The following FADD variants were observed in gnomAD, a reference collection of about 807,000 sequenced individuals.
FADD encodes Fas associated via death domain, also known as FAS-associated death domain protein.
A neutral mutation model predicts 5.8 loss-of-function variants in FADD; 3 were observed. The ratio of observed to expected loss-of-function variants is 0.52; its 90% confidence interval spans 0.24 to 1.34. The LOEUF is 1.34. Among genes scored for constraint, FADD ranks in the 40% most tolerant of loss-of-function variants. FADD has a pLI of 0.17. For synonymous variants in FADD, 138 were observed against 130.8 expected (o/e 1.06, Z -0.38); for missense variants, 249 against 286.7 (o/e 0.87, Z 0.95).
chr11:70,204,125 C>A (rs2049442633), intron 1 of FADD, among the ~76,000 whole-genome samples: 1 of 152,226 alleles, frequency 6.6e-6, no homozygotes, highest in South Asian at 2.1e-4. Context: ...TACTAGCATT[C>A]AGTAACTCCT....
Position 70,206,630 on chromosome 11 carries a change from TGC to T in FADD, c.*158_*159del, listed in dbSNP as rs2135900250. 1.5e-6 allele frequency: 1 copy of T among 687,740 alleles called. No homozygotes were observed. Among genetic ancestry groups the T allele is most frequent in the East Asian group, 2.7e-5 (1 of 36,868 alleles). The allele number at this position is 687,740 out of a possible 1,614,324, so 42.6% of individuals were successfully genotyped here. ...TCTGAACTCAAGCTGCGTTTATTAA[TGC>T]CTCTCCCGCACCAGGCCGGGCTTGG... On this transcript the variant is annotated 3_prime_UTR_variant, in exon 2 of 2. Coordinates refer to ENST00000301838, the MANE Select transcript of FADD (RefSeq NM_003824.4).
At position 70,203,334 on chromosome 11, in the gene FADD, T is replaced by G. The variant is rs2049435452; in HGVS notation, c.-126T>G. The G allele has an allele frequency of 4.7e-6, 7 of 1,490,126 alleles. No individual in the cohort carries two copies. In the African/African-American group the frequency reaches 8.5e-5, roughly 18 times the overall value. The allele number at this position is 1,490,126 out of a possible 1,614,324, so 92.3% of individuals were successfully genotyped here. A position where few individuals can be genotyped will look rare whatever the true frequency, so the allele number is the denominator to read the frequency against. The stretch of plus-strand genomic sequence containing the variant: ...TCCTGTAGTGAATCAGGCACCGGAG[T>G]GCAGGTTCGGGGGTGGAATCCTTGG... On this transcript the variant is annotated 5_prime_UTR_variant, in exon 1 of 2. Coordinates refer to ENST00000301838, the MANE Select transcript of FADD (RefSeq NM_003824.4).
chr11:70,204,915 G>A (rs983792661), intron 1 of FADD, among the ~76,000 whole-genome samples: 1 of 152,160 alleles, frequency 6.6e-6, no homozygotes, highest in Non-Finnish European at 1.5e-5. Flanking sequence ...GAAGGTGAGC[G>A]GTGGGTATGG....
chr11:70,205,462 T>A (rs1424523376), intron 1 of FADD, among the ~76,000 whole-genome samples: 3 of 152,172 alleles, frequency 2.0e-5, no homozygotes, highest in Admixed American at 2.0e-4. Context: ...GCCAGAAATC[T>A]GAATAAGCAG....
intron 1 of FADD, among the ~76,000 whole-genome samples, chr11:70,205,196 G>C (rs1187248000): frequency 6.6e-6 from 1 of 152,182 alleles, no homozygotes; most frequent in East Asian, 1.9e-4. Context: ...AGTCCAAGCA[G>C]CACCCTGTCC....
rs887247714 is a variant in FADD, at chr11:70,206,998, A to G, written c.*525A>G. 2.5e-5 allele frequency: 4 copies of G among 157,328 alleles called. No homozygotes were observed. The highest frequency in any genetic ancestry group is 1.8e-4 in the Admixed American group (3 of 16,512). The allele number at this position is 157,328 out of a possible 1,614,324, so 9.7% of individuals were successfully genotyped here. ...GGAGGCCACCGGGACAGACCTGGAC[A>G]CTAGGGTCAGGCGGGGTGCTGTGGT... On this transcript the variant is annotated 3_prime_UTR_variant, in exon 2 of 2. Coordinates refer to ENST00000301838, the MANE Select transcript of FADD (RefSeq NM_003824.4).
intron 1 of FADD, among the ~76,000 whole-genome samples, chr11:70,205,095 G>T (rs936460442): frequency 3.9e-5 from 6 of 152,194 alleles, no homozygotes; most frequent in Non-Finnish European, 1.5e-5. Context: ...TTCCTCATCT[G>T]TACAGTCATG....
Position 70,203,516 on chromosome 11 carries a change from G to C in FADD, c.57G>C (p.Glu19Asp), listed in dbSNP as rs757350109. Residue 19 changes from glutamate (E) to aspartate (D), a missense_variant, in exon 1 of 2, where the codon GAG becomes GAC. Transcript: ENST00000301838. Reference protein sequence around the residue: ...HSVSSSLSSSELTELKFLCLG... With the variant: ...HSVSSSLSSSDLTELKFLCLG... Reference sequence around the variant, plus strand: ...TGTCGTCCAGCCTGTCGAGCAGCGAGCTGACCGAGCTCAAGTTCCTATGCC... The same window carrying C: ...TGTCGTCCAGCCTGTCGAGCAGCGACCTGACCGAGCTCAAGTTCCTATGCC... 7 of 1,610,032 alleles carry C rather than the reference G, an allele frequency of 4.3e-6. No individual in the cohort carries two copies. The highest frequency in any genetic ancestry group is 5.9e-6 in the Non-Finnish European group (7 of 1,178,656).
At chr11:70,205,741 C>G (rs1214244302) in intron 1 of FADD, among the ~76,000 whole-genome samples, 1 of 152,196 alleles carries the variant, frequency 6.6e-6, no homozygotes. Flanking sequence ...CGTGAACATA[C>G]CTTGGGGTGA....
chr11:70,204,622 C>T (rs2049445965), intron 1 of FADD, among the ~76,000 whole-genome samples: 1 of 152,098 alleles, frequency 6.6e-6, no homozygotes. Flanking sequence ...AATGTGTCAC[C>T]ATGGGTTTCA....
At position 70,207,012 on chromosome 11, in the gene FADD, G is replaced by C. The variant is rs1253187428; in HGVS notation, c.*539G>C. 2 of 119,566 alleles carry C rather than the reference G, an allele frequency of 1.7e-5. No homozygotes were observed. The highest frequency in any genetic ancestry group is 2.9e-5 in the African/African-American group (1 of 34,244). 7.4% of individuals were successfully genotyped at this position (119,566 alleles called of 1,614,324 possible). Reference sequence around the variant, plus strand: ...CAGACCTGGACACTAGGGTCAGGCGGGGTGCTGTGGTGGGGAGAGGCATGG... The same window carrying C: ...CAGACCTGGACACTAGGGTCAGGCGCGGTGCTGTGGTGGGGAGAGGCATGG... On this transcript the variant is annotated 3_prime_UTR_variant, in exon 2 of 2. Coordinates refer to ENST00000301838, the MANE Select transcript of FADD (RefSeq NM_003824.4).
intron 1 of FADD, 92 bp downstream of exon 1, chr11:70,203,837 C>A: frequency 1.8e-6 from 1 of 558,388 alleles, no homozygotes; most frequent in African/African-American, 2.0e-5. Context: ...GGCGCCTCCC[C>A]TTTGCCGGGT....
intron 1 of FADD, 34 bp downstream of exon 1, chr11:70,203,779 C>T: frequency 9.0e-7 from 1 of 1,110,866 alleles, no homozygotes; most frequent in African/African-American, 1.7e-5. Flanking sequence ...GAGCCAGGGC[C>T]TGGTCGCCCG....
Position 70,203,322 on chromosome 11 carries a change from C to T in FADD, c.-138C>T, listed in dbSNP as rs2049435221. ...CTCTTGTCGATTTCCTGTAGTGAAT[C>T]AGGCACCGGAGTGCAGGTTCGGGGG... On this transcript the variant is annotated 5_prime_UTR_variant, in exon 1 of 2. Transcript: ENST00000301838. 2 of 1,445,908 alleles carry T rather than the reference C, an allele frequency of 1.4e-6. No homozygotes were observed. Among genetic ancestry groups the T allele is most frequent in the African/African-American group, 1.5e-5 (1 of 68,730 alleles). 89.6% of individuals were successfully genotyped at this position (1,445,908 alleles called of 1,614,324 possible).
chr11:70,205,142 G>A (rs1565301893), intron 1 of FADD, among the ~76,000 whole-genome samples: 3 of 152,196 alleles, frequency 2.0e-5, no homozygotes. Flanking sequence ...TGTCAGAGCT[G>A]CGGGAGCTGG....
Position 70,206,353 on chromosome 11 carries a change from G to A in FADD, c.507G>A (p.Gln169=), listed in dbSNP as rs575389915. 1 of 1,614,230 alleles carries A rather than the reference G, an allele frequency of 6.2e-7. No individual in the cohort carries two copies. Among genetic ancestry groups the A allele is most frequent in the South Asian group, 1.1e-5 (1 of 91,084 alleles). Residue 169 remains glutamine, a synonymous_variant, in exon 2 of 2, where the codon CAG becomes CAA. Coordinates refer to ENST00000301838, the MANE Select transcript of FADD (RefSeq NM_003824.4). Reference sequence around the variant, plus strand: ...TGGTGGGGGCTCTCAGGTCCTGCCAGATGAACCTGGTGGCTGACCTGGTAC... The same window carrying A: ...TGGTGGGGGCTCTCAGGTCCTGCCAAATGAACCTGGTGGCTGACCTGGTAC... ...AHLVGALRSC[Q]MNLVADLVQE...
chr11:70,203,463 G>T lies in FADD; in HGVS notation c.4G>T (p.Asp2Tyr). Residue 2 changes from aspartate to tyrosine, a missense_variant, in exon 1 of 2, where the codon GAC (aspartate) becomes TAC (tyrosine). Physicochemically the swap from Asp to Tyr is radical, Grantham distance 160. Coordinates refer to ENST00000301838, the MANE Select transcript of FADD (RefSeq NM_003824.4). Reference protein sequence around the residue: MDPFLVLLHSVS... With the variant: MYPFLVLLHSVS... ...CCGGCCGCTTGCAGACCCCGCCATG[G>T]ACCCGTTCCTGGTGCTGCTGCACTC... is the stretch of plus-strand genomic sequence containing the variant. The T allele has an allele frequency of 6.3e-7, 1 of 1,577,660 alleles. No individual in the cohort carries two copies. The highest frequency in any genetic ancestry group is 8.6e-7 in the Non-Finnish European group (1 of 1,161,984).
In FADD at chr11:70,206,545, A is replaced by G; in HGVS notation, c.*72A>G. On this transcript the variant is annotated 3_prime_UTR_variant, in exon 2 of 2. Coordinates refer to ENST00000301838, the MANE Select transcript of FADD (RefSeq NM_003824.4). Reference sequence around the variant, plus strand: ...GGACTTTGGTTCTCTCCAGGAAGGTAGCCCAGCACTGTGAAGACCCAGCAG... The same window carrying G: ...GGACTTTGGTTCTCTCCAGGAAGGTGGCCCAGCACTGTGAAGACCCAGCAG... 7.0e-7 allele frequency: 1 copy of G among 1,436,158 alleles called. No individual in the cohort carries two copies. The highest frequency in any genetic ancestry group is 9.7e-7 in the Non-Finnish European group (1 of 1,036,150). 89.0% of individuals were successfully genotyped at this position (1,436,158 alleles called of 1,614,324 possible). A position where few individuals can be genotyped will look rare whatever the true frequency, so the allele number is the denominator to read the frequency against.
In FADD at chr11:70,203,623, T is replaced by A. The variant is rs1251901180; in HGVS notation, c.164T>A (p.Leu55Gln). 2 of 1,595,856 alleles carry A rather than the reference T, an allele frequency of 1.3e-6. No homozygotes were observed. Among genetic ancestry groups the A allele is most frequent in the Non-Finnish European group, 8.5e-7 (1 of 1,173,614 alleles). Residue 55 changes from leucine to glutamine, a missense_variant, in exon 1 of 2, where the codon CTG becomes CAG. Physicochemically the swap from Leu to Gln is moderately radical, Grantham distance 113. Transcript: ENST00000301838. ...TCCATGCTGCTGGAGCAGAACGACC[T>A]GGAGCCCGGGCACACCGAGCTCCTG... ...LFSMLLEQND[L>Q]EPGHTELLRE...
Sources: allele counts gnomAD v4.1 joint callset (sites outside exome capture counted in the v4.1 genomes callset), GRCh38; gene constraint gnomAD v4.1.1; transcripts MANE v1.5; gene names NCBI Gene and HGNC (gene_info 2026-07-23, HGNC 2026-07-21).